ATP8B4: variants seen among roughly 807,000 people sequenced by gnomAD.
ATP8B4 encodes probable phospholipid-transporting ATPase IM.
A neutral mutation model predicts 145.6 loss-of-function variants in ATP8B4; 133 were observed. That is an observed-to-expected ratio of 0.91 (90% CI 0.79 to 1.05). ATP8B4 has a LOEUF of 1.05. Ranked by LOEUF, ATP8B4 falls within the 50% of genes least tolerant of loss-of-function variation. The probability of loss-of-function intolerance (pLI) is 0.00; values close to 1 mark genes in which losing one functional copy is unlikely to be tolerated. For missense variants in ATP8B4, 1,458 were observed against 1,425.2 expected, an observed-to-expected ratio of 1.02 and a Z score of -0.37; for synonymous variants, 507 against 492.9, an observed-to-expected ratio of 1.03 and a Z score of -0.38.
chr15:49,919,041 A>G, intron 18 of ATP8B4, 91 bp from the exon 19 acceptor site: 1 of 903,800 alleles, frequency 1.1e-6, no homozygotes, highest in African/African-American at 1.7e-5. Context: ...CTGGAGGCCA[A>G]AGAATATTAA....
At chr15:50,012,795 T>C (rs2048816157) in intron 6 of ATP8B4, among the ~76,000 whole-genome samples, 1 of 152,202 alleles carries the variant, frequency 6.6e-6, no homozygotes, top group African/African-American at 2.4e-5. Flanking sequence ...CTGTGTGAGA[T>C]GCCTTGCTTA....
chr15:50,015,906 T>C (rs1452422151), intron 6 of ATP8B4, among the ~76,000 whole-genome samples: 1 of 152,206 alleles, frequency 6.6e-6, no homozygotes, highest in Non-Finnish European at 1.5e-5. Context: ...AGGTCTCTGG[T>C]CAGCTGCTGA....
chr15:50,083,775 A>G (rs2054713244), intron 2 of ATP8B4, among the ~76,000 whole-genome samples: 1 of 152,196 alleles, frequency 6.6e-6, no homozygotes, highest in Admixed American at 6.5e-5. Flanking sequence ...TCCATATGGC[A>G]ATTAATTTAC....
At chr15:50,083,981 G>A (rs1031450123) in intron 2 of ATP8B4, among the ~76,000 whole-genome samples, 6 of 152,148 alleles carry the variant, frequency 3.9e-5, no homozygotes, top group African/African-American at 1.4e-4. Context: ...AGGCCAGAGA[G>A]CCACAGCAAC....
intron 24 of ATP8B4, among the ~76,000 whole-genome samples, chr15:49,876,897 C>A (rs1342048517): frequency 6.6e-6 from 1 of 152,180 alleles, no homozygotes; most frequent in African/African-American, 2.4e-5. Flanking sequence ...TCATGTGCAG[C>A]CAATGGGCCC....
rs1198634964 is a variant in ATP8B4 at position 49,961,971 on chromosome 15, C to A, written c.1287+6G>T. On this transcript the variant is annotated splice_donor_region_variant and intron_variant, in intron 14 of 27. Transcript: ENST00000284509. Reference sequence around the variant, plus strand: ...AACTAAGAATAAAATTTTATCACTTCCACACCTGAGTTATTTCTGTCTTCT... The same window carrying A: ...AACTAAGAATAAAATTTTATCACTTACACACCTGAGTTATTTCTGTCTTCT... 6.3e-7 allele frequency: 1 copy of A among 1,590,298 alleles called. No individual in the cohort carries two copies. The highest frequency in any genetic ancestry group is 2.3e-5 in the East Asian group (1 of 44,202).
chr15:49,946,682 C>A (rs140699352), intron 14 of ATP8B4, among the ~76,000 whole-genome samples: 3 of 152,070 alleles, frequency 2.0e-5, no homozygotes, highest in Admixed American at 2.0e-4. Context: ...GCCCTCCTAA[C>A]TTATTATACC....
intron 1 of ATP8B4, among the ~76,000 whole-genome samples, chr15:50,149,040 C>T (rs953823764): frequency 1.3e-5 from 2 of 152,126 alleles, no homozygotes; most frequent in Non-Finnish European, 2.9e-5. Flanking sequence ...ATTTTTAAAG[C>T]TTCCCAGGTG....
chr15:50,103,221 A>G (rs983828378), intron 2 of ATP8B4, among the ~76,000 whole-genome samples: 1 of 152,156 alleles, frequency 6.6e-6, no homozygotes, highest in East Asian at 1.9e-4. Flanking sequence ...TCTATTCAAC[A>G]TAGTACTGGA....
intron 6 of ATP8B4, among the ~76,000 whole-genome samples, chr15:50,030,688 T>A (rs928129543): frequency 2.0e-5 from 3 of 152,226 alleles, no homozygotes; most frequent in African/African-American, 7.2e-5. Flanking sequence ...GTGAGAGGGC[T>A]CTTTGAAGGA....
intron 1 of ATP8B4, among the ~76,000 whole-genome samples, chr15:50,170,998 C>A (rs965915376): frequency 6.6e-6 from 1 of 152,170 alleles, no homozygotes; most frequent in Non-Finnish European, 1.5e-5. Context: ...CCTTGTTCAA[C>A]AGGAAAATAT....
chr15:49,933,104 T>G (rs576599265), intron 15 of ATP8B4, among the ~76,000 whole-genome samples: 30 of 151,804 alleles, frequency 2.0e-4, no homozygotes, highest in African/African-American at 7.0e-4. Context: ...AAAATTTATA[T>G]AAATTAAGTT....
At chr15:49,915,655 T>C (rs760605622) in intron 20 of ATP8B4, among the ~76,000 whole-genome samples, 12 of 152,248 alleles carry the variant, frequency 7.9e-5, no homozygotes, top group Non-Finnish European at 1.6e-4. Flanking sequence ...AAAATTTTAA[T>C]TGATTATTAA....
intron 2 of ATP8B4, among the ~76,000 whole-genome samples, chr15:50,088,600 T>C (rs961500270): frequency 8.5e-5 from 13 of 152,266 alleles, no homozygotes; most frequent in South Asian, 2.1e-4. Flanking sequence ...CCTTCCATGG[T>C]TATCCTTTTT....
intron 14 of ATP8B4, among the ~76,000 whole-genome samples, chr15:49,937,986 T>C (rs1183902692): frequency 2.6e-5 from 4 of 152,086 alleles, no homozygotes; most frequent in Non-Finnish European, 4.4e-5. Flanking sequence ...ACAGGCCATA[T>C]ATGGTAAGTG....
chr15:50,156,073 AATATATATATATATAT>A (rs1208588077), intron 1 of ATP8B4, among the ~76,000 whole-genome samples: 926 of 52,438 alleles, frequency 0.018, 11 homozygotes, highest in Non-Finnish European at 0.023. Context: ...TAAATAAATA[AATATATATATATATAT>A]ATAAATATAT....
chr15:50,102,786 CA>C (rs34999776), intron 2 of ATP8B4, among the ~76,000 whole-genome samples: 26,305 of 140,500 alleles, frequency 0.19, 2,663 homozygotes, highest in Middle Eastern at 0.33. Flanking sequence ...ATGGACATAA[CA>C]AAAAAAAAAA....
chr15:50,134,518 G>A (rs1449157750), intron 1 of ATP8B4, among the ~76,000 whole-genome samples: 1 of 152,146 alleles, frequency 6.6e-6, no homozygotes, highest in African/African-American at 2.4e-5. Flanking sequence ...AGAAAACAGA[G>A]TATCTGCAAA....
intron 12 of ATP8B4, among the ~76,000 whole-genome samples, chr15:49,973,586 TACC>T (rs1286224029): frequency 1.2e-4 from 18 of 152,304 alleles, no homozygotes; most frequent in African/African-American, 3.4e-4. Flanking sequence ...TCTTCCCATT[TACC>T]ATGAAAAGTG....
Sources: allele counts gnomAD v4.1 joint callset (sites outside exome capture counted in the v4.1 genomes callset), GRCh38; gene constraint gnomAD v4.1.1; transcripts MANE v1.5; gene names NCBI Gene and HGNC (gene_info 2026-07-23, HGNC 2026-07-21).